PPP1R14C: variants seen among roughly 807,000 people sequenced by gnomAD.
The protein encoded by PPP1R14C is protein phosphatase 1 regulatory subunit 14C.
In PPP1R14C, 16 loss-of-function variants were observed where a neutral mutation model predicts 20.4. That is an observed-to-expected ratio of 0.78 (90% CI 0.53 to 1.19). The LOEUF is 1.19. PPP1R14C is among the 50% of genes most tolerant of loss of function. The pLI is 0.00. For missense variants in PPP1R14C, 211 were observed against 220.1 expected (o/e 0.96, Z 0.26); for synonymous variants, 91 against 91.0 (o/e 1.00, Z 0.00).
At chr6:150,184,971 C>A (rs1356947972) in intron 1 of PPP1R14C, among the ~76,000 whole-genome samples, 1 of 152,232 alleles carries the variant, frequency 6.6e-6, no homozygotes, top group Non-Finnish European at 1.5e-5. Context: ...ATTCTCCCTT[C>A]ACTCCCTCAT....
At chr6:150,231,179 G>A (rs1488806211) in intron 3 of PPP1R14C, among the ~76,000 whole-genome samples, 1 of 152,126 alleles carries the variant, frequency 6.6e-6, no homozygotes, top group Non-Finnish European at 1.5e-5. Context: ...GTGTTTTCAT[G>A]GCCGCTGCCG....
chr6:150,182,189 G>A (rs1464542069), intron 1 of PPP1R14C, among the ~76,000 whole-genome samples: 1 of 152,170 alleles, frequency 6.6e-6, no homozygotes, highest in Non-Finnish European at 1.5e-5. Flanking sequence ...GTGGTCATGG[G>A]CATGCACTCT....
intron 1 of PPP1R14C, among the ~76,000 whole-genome samples, chr6:150,174,320 C>T (rs1777533401): frequency 6.6e-6 from 1 of 152,010 alleles, no homozygotes; most frequent in Admixed American, 6.6e-5. Context: ...CCTGGGTTCA[C>T]ACCATTCTCC....
At chr6:150,208,014 G>A (rs1777975182) in intron 1 of PPP1R14C, among the ~76,000 whole-genome samples, 1 of 152,084 alleles carries the variant, frequency 6.6e-6, no homozygotes, top group Non-Finnish European at 1.5e-5. Flanking sequence ...GGGGCAAAGG[G>A]GGCTGATCCA....
At chr6:150,175,169 G>C (rs1329446125) in intron 1 of PPP1R14C, among the ~76,000 whole-genome samples, 1 of 152,168 alleles carries the variant, frequency 6.6e-6, no homozygotes, top group East Asian at 1.9e-4. Flanking sequence ...GCTTGCCCAT[G>C]TTAACTCCTT....
chr6:150,147,596 T>A (rs546670598), intron 1 of PPP1R14C, among the ~76,000 whole-genome samples: 86 of 152,340 alleles, frequency 5.6e-4, no homozygotes, highest in Non-Finnish European at 9.3e-4. Flanking sequence ...AGCATCAAGA[T>A]AACATCTGTA....
At chr6:150,208,686 T>C (rs1777983228) in intron 1 of PPP1R14C, among the ~76,000 whole-genome samples, 1 of 152,226 alleles carries the variant, frequency 6.6e-6, no homozygotes, top group South Asian at 2.1e-4. Context: ...CGTCTCTCAG[T>C]GTCCTTTGAG....
chr6:150,184,988 G>A (rs1777661553), intron 1 of PPP1R14C, among the ~76,000 whole-genome samples: 2 of 152,180 alleles, frequency 1.3e-5, no homozygotes, highest in South Asian at 4.1e-4. Context: ...TCATGCCCAT[G>A]GTTGGGCAGC....
chr6:150,183,342 T>C (rs545394522), intron 1 of PPP1R14C, among the ~76,000 whole-genome samples: 105 of 152,306 alleles, frequency 6.9e-4, no homozygotes, highest in Non-Finnish European at 1.3e-3. Context: ...TCAACTTTAT[T>C]GCTCCACCTG....
intron 2 of PPP1R14C, among the ~76,000 whole-genome samples, chr6:150,215,262 A>G (rs1778075410): frequency 6.6e-6 from 1 of 152,222 alleles, no homozygotes; most frequent in African/African-American, 2.4e-5. Flanking sequence ...ATTGCTTATG[A>G]CATAATTCTA....
chr6:150,184,463 G>A (rs1294371308), intron 1 of PPP1R14C, among the ~76,000 whole-genome samples: 1 of 152,166 alleles, frequency 6.6e-6, no homozygotes, highest in Non-Finnish European at 1.5e-5. Context: ...GATTGTGTAA[G>A]TTCACTCTGT....
Position 150,250,250 on chromosome 6 carries a change from G to T in PPP1R14C, c.*1430G>T, listed in dbSNP as rs1015863950. ...TTTATTTTTTAAAAAAACTATGTTT[G>T]TGAATTTTGCGTATACTGGCAAGCT... On this transcript the variant is annotated 3_prime_UTR_variant, in exon 4 of 4. Coordinates refer to ENST00000361131, the MANE Select transcript of PPP1R14C (RefSeq NM_030949.3). 2.0e-5 allele frequency: 3 copies of T among 152,596 alleles called. No individual in the cohort carries two copies. The highest frequency in any genetic ancestry group is 4.4e-5 in the Non-Finnish European group (3 of 68,026). The allele number at this position is 152,596 out of a possible 1,614,324, so 9.5% of individuals were successfully genotyped here. A position where few individuals can be genotyped will look rare whatever the true frequency, so the allele number is the denominator to read the frequency against.
chr6:150,233,410 G>C (rs1778316181), intron 3 of PPP1R14C, among the ~76,000 whole-genome samples: 1 of 152,052 alleles, frequency 6.6e-6, no homozygotes, highest in Non-Finnish European at 1.5e-5. Flanking sequence ...GCATATTTCT[G>C]GTCTCAAAAA....
At chr6:150,176,822 C>T (rs1582904871) in intron 1 of PPP1R14C, among the ~76,000 whole-genome samples, 1 of 152,154 alleles carries the variant, frequency 6.6e-6, no homozygotes, top group African/African-American at 2.4e-5. Context: ...TCAAACAGGA[C>T]AATCCTGTTC....
intron 1 of PPP1R14C, among the ~76,000 whole-genome samples, chr6:150,184,623 T>G (rs895504214): frequency 6.6e-6 from 1 of 152,062 alleles, no homozygotes; most frequent in Admixed American, 6.5e-5. Context: ...TTTAAGCATA[T>G]TTTGGACTTC....
chr6:150,188,553 C>T (rs1777704371), intron 1 of PPP1R14C, among the ~76,000 whole-genome samples: 1 of 127,454 alleles, frequency 7.8e-6, no homozygotes, highest in Non-Finnish European at 1.6e-5. Context: ...GTGAAGTAAT[C>T]TCGGCTCACT....
intron 1 of PPP1R14C, among the ~76,000 whole-genome samples, chr6:150,191,707 A>G (rs1214439003): frequency 2.6e-5 from 4 of 152,366 alleles, no homozygotes; most frequent in African/African-American, 9.6e-5. Flanking sequence ...GTACCTGTAT[A>G]TTTAACTGCT....
intron 3 of PPP1R14C, among the ~76,000 whole-genome samples, chr6:150,227,541 A>G (rs1004174197): frequency 2.6e-5 from 4 of 152,218 alleles, no homozygotes; most frequent in African/African-American, 7.2e-5. Context: ...ATTCATTTCA[A>G]TGGGTCTGAG....
chr6:150,152,576 C>A (rs762760069), intron 1 of PPP1R14C, among the ~76,000 whole-genome samples: 1 of 152,024 alleles, frequency 6.6e-6, no homozygotes, highest in Admixed American at 6.5e-5. Context: ...GCCATAATCA[C>A]CTCCACCCCC....
Sources: allele counts gnomAD v4.1 joint callset (sites outside exome capture counted in the v4.1 genomes callset), GRCh38; gene constraint gnomAD v4.1.1; transcripts MANE v1.5; gene names NCBI Gene and HGNC (gene_info 2026-07-23, HGNC 2026-07-21).